The following TBCD variants were observed in gnomAD, a reference collection of about 807,000 sequenced individuals.
The protein encoded by TBCD is tubulin folding cofactor D.
In TBCD, 105 loss-of-function variants were observed where a neutral mutation model predicts 169.3. That is an observed-to-expected ratio of 0.62 (90% CI 0.53 to 0.73). The LOEUF is 0.73. Among genes scored for constraint, TBCD ranks in the 30% least tolerant of loss-of-function variants. The pLI, the probability that TBCD is intolerant of heterozygous loss-of-function variation, is 0.00. For missense variants in TBCD, 1,444 were observed against 1,600.1 expected, an observed-to-expected ratio of 0.90 and a Z score of 1.66; for synonymous variants, 700 against 643.9, an observed-to-expected ratio of 1.09 and a Z score of -1.32.
At chr17:82,852,051 T>C (rs2055836817) in intron 13 of TBCD, among the ~76,000 whole-genome samples, 1 of 152,150 alleles carries the variant, frequency 6.6e-6, no homozygotes, top group South Asian at 2.1e-4. Context: ...GTTCAGTGGC[T>C]TGTAACGCAT....
chr17:82,757,183 AGCT>A (rs1343232150), intron 2 of TBCD, among the ~76,000 whole-genome samples: 2 of 152,128 alleles, frequency 1.3e-5, no homozygotes, highest in Non-Finnish European at 2.9e-5. Context: ...TCAGTTTTTG[AGCT>A]GCTCTTTGCC....
chr17:82,792,548 C>G (rs1226199399), intron 7 of TBCD, among the ~76,000 whole-genome samples: 2 of 152,160 alleles, frequency 1.3e-5, no homozygotes, highest in African/African-American at 4.8e-5. Flanking sequence ...TAGGAAGCCA[C>G]AATCATTTTG....
chr17:82,864,241 C>T lies in TBCD; in HGVS notation c.1319-5983C>T, dbSNP rs11869432. On this transcript the variant is annotated intron_variant, in intron 13 of 38. Transcript: ENST00000355528. This position sits in a 1 kb window ranked among gnomAD's most constrained non-coding sequence, Gnocchi z 6.3. The stretch of plus-strand genomic sequence containing the variant: ...GCTTCCAGGGCTCTTTGAAGCGTCT[C>T]ACTTTTTAATTTCATGAAGAAACAA... The T allele has an allele frequency of 2.0e-5, 3 of 152,196 alleles. No individual in the cohort carries two copies. Among genetic ancestry groups the T allele is most frequent in the Admixed American group, 2.0e-4 (3 of 15,286 alleles). 9.4% of individuals were successfully genotyped at this position (152,196 alleles called of 1,614,324 possible). A position where few individuals can be genotyped will look rare whatever the true frequency, so the allele number is the denominator to read the frequency against.
intron 6 of TBCD, among the ~76,000 whole-genome samples, chr17:82,777,882 G>A (rs909233835): frequency 1.3e-5 from 2 of 152,142 alleles, no homozygotes; most frequent in East Asian, 1.9e-4. Context: ...GCTAAGTAGC[G>A]GGTGTTTTTC....
chr17:82,792,771 C>T (rs2049837737), intron 7 of TBCD, among the ~76,000 whole-genome samples: 1 of 152,128 alleles, frequency 6.6e-6, no homozygotes, highest in Non-Finnish European at 1.5e-5. Flanking sequence ...GTGATTATTT[C>T]GATCATTGAA....
intron 2 of TBCD, among the ~76,000 whole-genome samples, chr17:82,756,767 C>A (rs1003061775): frequency 1.3e-5 from 2 of 152,152 alleles, no homozygotes; most frequent in Non-Finnish European, 2.9e-5. Flanking sequence ...CGTGAGCCAC[C>A]GCGCCTGGCC....
intron 14 of TBCD, among the ~76,000 whole-genome samples, chr17:82,871,920 G>C (rs890224879): frequency 6.9e-6 from 1 of 145,046 alleles, no homozygotes; most frequent in Non-Finnish European, 1.5e-5. Context: ...GCAGCTCGTT[G>C]TGAGGCACAC....
chr17:82,781,355 T>G (rs2048938102), intron 6 of TBCD, among the ~76,000 whole-genome samples: 1 of 150,222 alleles, frequency 6.7e-6, no homozygotes, highest in Non-Finnish European at 1.5e-5. Context: ...CCTGAGAGGT[T>G]GTGGTGGGGA....
intron 7 of TBCD, among the ~76,000 whole-genome samples, chr17:82,792,002 A>G (rs2049767020): frequency 6.6e-6 from 1 of 152,194 alleles, no homozygotes; most frequent in Admixed American, 6.5e-5. Flanking sequence ...CTAAGCATAG[A>G]AAAGGTACAG....
chr17:82,856,898 G>A (rs1341156252), intron 13 of TBCD, among the ~76,000 whole-genome samples: 4 of 146,414 alleles, frequency 2.7e-5, no homozygotes, highest in African/African-American at 7.8e-5. Flanking sequence ...CATCCAGGGC[G>A]GGATCGCTGG....
intron 34 of TBCD, among the ~76,000 whole-genome samples, chr17:82,936,473 C>A (rs2147466703): frequency 6.6e-6 from 1 of 152,252 alleles, no homozygotes; most frequent in East Asian, 1.9e-4. Flanking sequence ...GAGCGGGTTT[C>A]TTTGTCTTCT....
At chr17:82,892,838 C>T (rs2059234146) in intron 16 of TBCD, among the ~76,000 whole-genome samples, 1 of 152,162 alleles carries the variant, frequency 6.6e-6, no homozygotes, top group South Asian at 2.1e-4. Context: ...CATCCTGGAA[C>T]CTGAGAGTGG....
At chr17:82,895,188 A>G (rs1322603208) in intron 17 of TBCD, among the ~76,000 whole-genome samples, 1 of 152,234 alleles carries the variant, frequency 6.6e-6, no homozygotes. Flanking sequence ...CTTCCTCACG[A>G]TGCCAGGCCC....
chr17:82,805,878 C>G lies in TBCD; in HGVS notation c.954C>G (p.Tyr318Ter). 1 of 1,608,046 alleles carries G rather than the reference C, an allele frequency of 6.2e-7. No homozygotes were observed. Among genetic ancestry groups the G allele is most frequent in the Non-Finnish European group, 8.5e-7 (1 of 1,174,988 alleles). ...GAGGATGCTTTGCTTTGCACAGGTA[C>G]CAGCGTGGCTGCCGATCTTTGGCTG... The part of the protein sequence containing the change: ...FLKPKVAAWR[Y>*]QRGCRSLAAN... Residue 318 changes from tyrosine to a stop codon, truncating the protein, a stop_gained, in exon 10 of 39, where the codon TAC (tyrosine) becomes TAG (stop). Coordinates refer to ENST00000355528, the MANE Select transcript of TBCD (RefSeq NM_005993.5). LOFTEE classifies it high-confidence loss of function.
intron 13 of TBCD, among the ~76,000 whole-genome samples, chr17:82,836,871 G>A (rs889701032): frequency 6.6e-6 from 1 of 152,194 alleles, no homozygotes; most frequent in Admixed American, 6.5e-5. Flanking sequence ...TTTCTAGTCA[G>A]ATTTGCCCTT....
chr17:82,839,268 T>C (rs1455748463), intron 13 of TBCD, among the ~76,000 whole-genome samples: 1 of 152,174 alleles, frequency 6.6e-6, no homozygotes, highest in Non-Finnish European at 1.5e-5. Context: ...ACCACACATA[T>C]ATATAACCCT....
rs559130654 is a variant in TBCD, at chr17:82,940,499, C to G, written c.3480-900C>G. On this transcript the variant is annotated intron_variant, in intron 37 of 38. Transcript: ENST00000355528. ...AGGTGACGTTCCCTAGGTGTCTCCT[C>G]GGAACAGTGACCTTCCAACAGGGCT... Among the ~76,000 whole-genome samples, 3 of 152,326 alleles carry G rather than the reference C, an allele frequency of 2.0e-5. No homozygotes were observed. In the East Asian group the frequency reaches 5.8e-4, roughly 29 times the overall value.
At chr17:82,937,877 G>C in intron 35 of TBCD, 172 bp from the exon 36 acceptor site, 1 of 1,517,002 alleles carries the variant, frequency 6.6e-7, no homozygotes, top group South Asian at 1.2e-5. Flanking sequence ...CGTGTGTGTA[G>C]GCACAGTGCA....
At chr17:82,860,560 C>A in intron 13 of TBCD, 2 of 592,358 alleles carry the variant, frequency 3.4e-6, no homozygotes, top group Non-Finnish European at 4.2e-6. Context: ...AGAACAGGAA[C>A]CTGAGGAGGG....
Sources: allele counts gnomAD v4.1 joint callset (sites outside exome capture counted in the v4.1 genomes callset), GRCh38; gene constraint gnomAD v4.1.1; non-coding constraint Gnocchi (gnomAD v3.1); transcripts MANE v1.5; gene names NCBI Gene and HGNC (gene_info 2026-07-23, HGNC 2026-07-21).